Variants in DSC3 observed in about 807,000 individuals in gnomAD.
The protein encoded by DSC3 is desmocollin-3.
A neutral mutation model predicts 89.5 loss-of-function variants in DSC3; 97 were observed. The observed-to-expected ratio is 1.08, with a 90% CI of 0.92 to 1.28. The LOEUF is 1.28. DSC3 is among the 50% of genes most tolerant of loss of function. The pLI, the probability that DSC3 is intolerant of heterozygous loss-of-function variation, is 0.00. For synonymous variants in DSC3, 436 were observed against 384.1 expected (o/e 1.14, Z -1.58); for missense variants, 1,199 against 1,085.3 (o/e 1.10, Z -1.47).
chr18:31,041,702 C>T (rs977417402), intron 1 of DSC3, among the ~76,000 whole-genome samples: 3 of 152,312 alleles, frequency 2.0e-5, no homozygotes, highest in African/African-American at 7.2e-5. Flanking sequence ...GTTCCGAACA[C>T]TTCAAGTCTC....
In DSC3 at chr18:31,008,139, G is replaced by A. The variant is rs756868694; in HGVS notation, c.1540C>T (p.Pro514Ser). 4 of 1,611,304 alleles carry A rather than the reference G, an allele frequency of 2.5e-6. No homozygotes were observed. The highest frequency in any genetic ancestry group is 2.5e-6 in the Non-Finnish European group (3 of 1,178,716). Residue 514 changes from proline to serine, a missense_variant, in exon 11 of 16, where the codon CCT becomes TCT. Physicochemically the swap from Pro to Ser is moderately conservative, Grantham distance 74. Coordinates refer to ENST00000360428, the MANE Select transcript of DSC3 (RefSeq NM_001941.5). The part of the protein sequence containing the change: ...NGLRYKKLHD[P>S]KGWITIDEIS... ...TCATCAATGGTGATCCAACCTTTAG[G>A]ATCATGCAATTTTTTGTACCTGTTA...
At chr18:31,010,749 C>T (rs1985030118) in intron 9 of DSC3, among the ~76,000 whole-genome samples, 1 of 152,150 alleles carries the variant, frequency 6.6e-6, no homozygotes, top group Non-Finnish European at 1.5e-5. Context: ...AAGAATAATA[C>T]TATCCTCACT....
At chr18:31,029,389 C>T in intron 4 of DSC3, 120 bp downstream of exon 4, 1 of 1,284,462 alleles carries the variant, frequency 7.8e-7, no homozygotes, top group Non-Finnish European at 1.1e-6. Context: ...ACTTTTGTTA[C>T]ACCTCATGAA....
Position 31,018,662 on chromosome 18 carries a change from T to G in DSC3, c.1077+4A>C, listed in dbSNP as rs747471502. The G allele has an allele frequency of 6.2e-7, 1 of 1,612,416 alleles. No individual in the cohort carries two copies. The highest frequency in any genetic ancestry group is 8.5e-7 in the Non-Finnish European group (1 of 1,179,666). ...AGAGGCAGATTTTGATATTATATACTTACAGCATTTTGTCTGAAAGTGGGT... is the reference window on the plus strand; with the variant it reads ...AGAGGCAGATTTTGATATTATATACGTACAGCATTTTGTCTGAAAGTGGGT... On this transcript the variant is annotated splice_donor_region_variant and intron_variant, in intron 8 of 15. Transcript: ENST00000360428.
chr18:31,031,849 T>C (rs1985801667), intron 2 of DSC3, among the ~76,000 whole-genome samples: 2 of 152,226 alleles, frequency 1.3e-5, no homozygotes, highest in Admixed American at 6.5e-5. Flanking sequence ...TCTTCAACTA[T>C]TTGTCTTAAC....
chr18:31,007,950 A>G (rs529613128), intron 11 of DSC3, 66 bp downstream of exon 11: 7 of 1,407,564 alleles, frequency 5.0e-6, no homozygotes, highest in Non-Finnish European at 6.9e-6. Context: ...ATAAATCTGC[A>G]TAAGAATAAT....
intron 14 of DSC3, among the ~76,000 whole-genome samples, chr18:31,000,824 A>C (rs1984626448): frequency 6.6e-6 from 1 of 151,856 alleles, no homozygotes; most frequent in South Asian, 2.1e-4. Flanking sequence ...GAGTACATTT[A>C]GGTATCATAG....
At chr18:31,004,512 C>T (rs1442988736) in intron 12 of DSC3, 146 bp from the exon 13 acceptor site, 1 of 698,150 alleles carries the variant, frequency 1.4e-6, no homozygotes, top group Non-Finnish European at 2.4e-6. Context: ...CTGTCTTCAA[C>T]CCTTTCAAAC....
At position 31,042,442 on chromosome 18, in the gene DSC3, G is replaced by T. The variant is rs372981747; in HGVS notation, c.69+150C>A. On this transcript the variant is annotated intron_variant, in intron 1 of 15. Transcript: ENST00000360428. ...ACGTTTTCTCTCCTCACTCCTGCAG[G>T]CCCGAACTTGGGGCTGCTACCAGAC... 119 of 781,002 alleles carry T rather than the reference G, an allele frequency of 1.5e-4. No individual in the cohort carries two copies. In the African/African-American group the frequency reaches 1.8e-3, roughly 12 times the overall value. 48.4% of individuals were successfully genotyped at this position (781,002 alleles called of 1,614,324 possible). A position where few individuals can be genotyped will look rare whatever the true frequency, so the allele number is the denominator to read the frequency against.
At chr18:31,028,819 A>T (rs1035533981) in intron 4 of DSC3, among the ~76,000 whole-genome samples, 8 of 152,090 alleles carry the variant, frequency 5.3e-5, no homozygotes, top group Non-Finnish European at 1.2e-4. Context: ...ATAAAGTTAA[A>T]CTTACTAGTA....
In DSC3 at chr18:31,004,182, C is replaced by T. The variant is rs552598278; in HGVS notation, c.2073G>A (p.Trp691Ter). The T allele has an allele frequency of 6.2e-7, 1 of 1,613,762 alleles. No individual in the cohort carries two copies. The highest frequency in any genetic ancestry group is 1.1e-5 in the South Asian group (1 of 91,080). The part of the protein sequence containing the change: ...SRSTGVILGK[W>*]AILAILLGIA... ...TACCCAGTAATATTGCAAGGATTGC[C>T]CATTTTCCAAGTATTACTCCTGTAC... The change falls in exon 13 of 16, where the codon TGG becomes TGA. Residue 691 changes from tryptophan to a stop codon, truncating the protein, a stop_gained. Coordinates refer to ENST00000360428, the MANE Select transcript of DSC3 (RefSeq NM_001941.5). LOFTEE classifies it high-confidence loss of function.
intron 13 of DSC3, among the ~76,000 whole-genome samples, chr18:31,003,851 C>T (rs924805302): frequency 2.0e-5 from 3 of 152,030 alleles, no homozygotes; most frequent in Non-Finnish European, 4.4e-5. Context: ...TCTATTTAGC[C>T]CTAAAAGGAA....
chr18:30,996,740 T>C (rs772818792), intron 15 of DSC3, 51 bp downstream of exon 15: 2 of 1,605,684 alleles, frequency 1.2e-6, no homozygotes, highest in Admixed American at 1.7e-5. Context: ...TGTCTATTTT[T>C]CTCCATTCGG....
At chr18:31,037,408 G>A (rs955620093) in intron 1 of DSC3, among the ~76,000 whole-genome samples, 11 of 152,128 alleles carry the variant, frequency 7.2e-5, no homozygotes, top group African/African-American at 2.7e-4. Flanking sequence ...TTTCATTATT[G>A]CTAATTTTTA....
In DSC3 at chr18:31,001,712, A is replaced by G; in HGVS notation, c.2141T>C (p.Val714Ala). ...FSVLLTLVCG[V>A]FGATKGKRFP... is the part of the protein sequence containing the mutation. ...ACGTTTCCCTTTAGTTGCACCAAAAACTCCACATACTAAAGTTAGCAATAC... is the reference window on the plus strand; with the variant it reads ...ACGTTTCCCTTTAGTTGCACCAAAAGCTCCACATACTAAAGTTAGCAATAC... The change falls in exon 14 of 16, where the codon GTT (valine) becomes GCT (alanine). Residue 714 changes from valine (V) to alanine (A), a missense_variant. Physicochemically the swap from Val to Ala is moderately conservative, Grantham distance 64. Transcript: ENST00000360428. 6.2e-7 allele frequency: 1 copy of G among 1,608,098 alleles called. No individual in the cohort carries two copies. The highest frequency in any genetic ancestry group is 8.5e-7 in the Non-Finnish European group (1 of 1,177,364).
chr18:31,007,987 A>G (rs765316926), intron 11 of DSC3, 29 bp downstream of exon 11: 2 of 1,562,840 alleles, frequency 1.3e-6, no homozygotes, highest in Admixed American at 1.7e-5. Flanking sequence ...ATTCCTTTAT[A>G]GAATACCAGA....
chr18:31,016,684 C>A (rs1370005369), intron 9 of DSC3, among the ~76,000 whole-genome samples: 1 of 152,144 alleles, frequency 6.6e-6, no homozygotes, highest in Admixed American at 6.5e-5. Flanking sequence ...CAGGCACAGC[C>A]CAATCCAGAA....
intron 12 of DSC3, 101 bp downstream of exon 12, chr18:31,006,806 A>G: frequency 1.1e-6 from 1 of 905,742 alleles, no homozygotes; most frequent in Admixed American, 2.1e-5. Context: ...TATTAATGAG[A>G]CTCAGTTTTA....
Position 31,032,291 on chromosome 18 carries a change from G to GT in DSC3, c.70-16dup. On this transcript the variant is annotated splice_polypyrimidine_tract_variant and intron_variant, in intron 1 of 15. Transcript: ENST00000360428. Reference sequence around the variant, plus strand: ...CGACTGAAGATCTAGAATTTAAAAGGTCACATTAATACAGTAGAAAATAAA... The same window carrying GT: ...CGACTGAAGATCTAGAATTTAAAAGGTTCACATTAATACAGTAGAAAATAAA... 1 of 1,577,332 alleles carries GT rather than the reference G, an allele frequency of 6.3e-7. No individual in the cohort carries two copies. Among genetic ancestry groups the GT allele is most frequent in the Non-Finnish European group, 8.7e-7 (1 of 1,146,736 alleles).
Sources: gnomAD v4.1 joint callset for allele counts (sites outside exome capture counted in the v4.1 genomes callset) on GRCh38, gnomAD v4.1.1 for gene constraint, MANE v1.5 for transcripts, NCBI Gene and HGNC (gene_info 2026-07-23, HGNC 2026-07-21) for gene names.